Variants in TMEM117 observed in about 807,000 individuals in gnomAD.
The protein encoded by TMEM117 is transmembrane protein 117.
TMEM117 carries 27 observed loss-of-function variants against 52.4 expected under a neutral mutation model. The observed-to-expected ratio is 0.51, with a 90% CI of 0.38 to 0.71. The LOEUF (loss-of-function observed/expected upper bound fraction) is 0.71. Ranked by LOEUF, TMEM117 falls within the 30% of genes least tolerant of loss-of-function variation. The probability of loss-of-function intolerance (pLI) is 0.00; values close to 1 mark genes in which losing one functional copy is unlikely to be tolerated. For missense variants in TMEM117, 556 were observed against 630.5 expected, an observed-to-expected ratio of 0.88 and a Z score of 1.26; for synonymous variants, 215 against 206.3, an observed-to-expected ratio of 1.04 and a Z score of -0.36.
At chr12:44,284,801 C>T (rs1055120399) in intron 5 of TMEM117, among the ~76,000 whole-genome samples, 2 of 144,780 alleles carry the variant, frequency 1.4e-5, no homozygotes, top group African/African-American at 5.8e-5. Flanking sequence ...GCTTTGCATT[C>T]TACTAGGTAT....
chr12:44,268,160 C>T (rs771899373), intron 5 of TMEM117, among the ~76,000 whole-genome samples: 1 of 150,278 alleles, frequency 6.7e-6, no homozygotes, highest in Non-Finnish European at 1.5e-5. Flanking sequence ...TTTTTTGAGA[C>T]AGAGTCTTGC....
At chr12:43,841,455 T>C (rs1943114436) in intron 1 of TMEM117, among the ~76,000 whole-genome samples, 2 of 152,190 alleles carry the variant, frequency 1.3e-5, no homozygotes, top group Non-Finnish European at 2.9e-5. Flanking sequence ...AATAAGATCA[T>C]GTACTAGTGC....
At chr12:44,047,664 C>T (rs148249807) in intron 3 of TMEM117, among the ~76,000 whole-genome samples, 40 of 152,296 alleles carry the variant, frequency 2.6e-4, no homozygotes, top group Non-Finnish European at 4.3e-4. Flanking sequence ...ATAGACTTTG[C>T]ATCTAATCCT....
At chr12:44,185,329 C>T (rs945071916) in intron 4 of TMEM117, among the ~76,000 whole-genome samples, 3 of 151,922 alleles carry the variant, frequency 2.0e-5, no homozygotes, top group Non-Finnish European at 4.4e-5. Flanking sequence ...TGTTCCATCA[C>T]GAAAATTAGA....
chr12:44,098,652 G>T (rs759783198), intron 3 of TMEM117, among the ~76,000 whole-genome samples: 16 of 152,016 alleles, frequency 1.1e-4, no homozygotes, highest in Non-Finnish European at 1.9e-4. Context: ...GCCAAAGTCA[G>T]ATTTTTGAGT....
chr12:43,971,128 G>A (rs971989802), intron 3 of TMEM117, among the ~76,000 whole-genome samples: 1 of 151,992 alleles, frequency 6.6e-6, no homozygotes, highest in African/African-American at 2.4e-5. Flanking sequence ...CATGCATATA[G>A]TAAATCACAA....
At chr12:43,942,825 G>C (rs1592381047) in intron 2 of TMEM117, among the ~76,000 whole-genome samples, 2 of 152,026 alleles carry the variant, frequency 1.3e-5, no homozygotes, top group East Asian at 3.9e-4. Context: ...TTTCCAGATA[G>C]AAATACATAC....
chr12:43,974,081 A>G (rs1344940997), intron 3 of TMEM117, among the ~76,000 whole-genome samples: 2 of 152,180 alleles, frequency 1.3e-5, no homozygotes, highest in African/African-American at 4.8e-5. Context: ...AAATTGAATC[A>G]AGTAACTTTT....
rs1312359877 is a variant in TMEM117, at chr12:44,200,847, G to A, written c.511-10443G>A. 2.0e-5 allele frequency among the ~76,000 whole-genome samples: 3 copies of A among 152,146 alleles called. No individual in the cohort carries two copies. In the East Asian group the frequency reaches 5.8e-4, roughly 29 times the overall value. On this transcript the variant is annotated intron_variant, in intron 4 of 7. Transcript: ENST00000266534. The stretch of plus-strand genomic sequence containing the variant: ...TGGCACAATGCGGGTAGAGTGTGCT[G>A]GCTGAGTGGGTCCTGCCACCCCTCA...
At chr12:44,371,893 T>A (rs556237553) in intron 6 of TMEM117, among the ~76,000 whole-genome samples, 5 of 152,278 alleles carry the variant, frequency 3.3e-5, no homozygotes, top group South Asian at 4.2e-4. Context: ...CATCCATATA[T>A]GTAAAAAATA....
At chr12:43,830,385 G>A in the TMEM117 span, among the ~76,000 whole-genome samples, 1 of 151,780 alleles carries the variant, frequency 6.6e-6, no homozygotes, top group Non-Finnish European at 1.5e-5. Flanking sequence ...GAGGCAGGTG[G>A]ATCACGAGGT....
At chr12:44,392,668 C>T (rs369127217), downstream of TMEM117, among the ~76,000 whole-genome samples, 4 of 135,890 alleles carry the variant, frequency 2.9e-5, no homozygotes, top group African/African-American at 8.0e-5. Flanking sequence ...TGCTATCCCT[C>T]CCCCCTCCCC....
In TMEM117 at chr12:44,299,471, G is replaced by A. The variant is rs1314439613; in HGVS notation, c.609-109G>A. 2.9e-6 allele frequency: 4 copies of A among 1,399,652 alleles called. No individual in the cohort carries two copies. The South Asian group carries it at 5.6e-5, about 20-fold the overall frequency. 86.7% of individuals were successfully genotyped at this position (1,399,652 alleles called of 1,614,324 possible). A position where few individuals can be genotyped will look rare whatever the true frequency, so the allele number is the denominator to read the frequency against. ...TTCCTTTTGGCTAATATACCTTAGG[G>A]TAGGTGCTTGCCAAGGGGCAGACAT... On this transcript the variant is annotated intron_variant, in intron 5 of 7. Transcript: ENST00000266534.
At chr12:44,152,518 T>TTA (rs1240731123) in intron 4 of TMEM117, among the ~76,000 whole-genome samples, 6,816 of 117,880 alleles carry the variant, frequency 0.058, 659 homozygotes, top group African/African-American at 0.21. Flanking sequence ...ATATATAAAT[T>TTA]TATATATATA....
chr12:44,393,927 CT>C (rs1469997760), downstream of TMEM117, among the ~76,000 whole-genome samples: 1 of 152,072 alleles, frequency 6.6e-6, no homozygotes, highest in Non-Finnish European at 1.5e-5. Flanking sequence ...GAATTTGTTT[CT>C]TTTGTCATTT....
At chr12:43,951,763 C>T (rs1945227552) in intron 3 of TMEM117, among the ~76,000 whole-genome samples, 1 of 152,056 alleles carries the variant, frequency 6.6e-6, no homozygotes, top group Non-Finnish European at 1.5e-5. Flanking sequence ...GAGGGCGATT[C>T]CCTGAGCACA....
chr12:44,040,565 ACTGTT>A lies in TMEM117; in HGVS notation c.410+96226_410+96230del, dbSNP rs575082316. On this transcript the variant is annotated intron_variant, in intron 3 of 7. Transcript: ENST00000266534. ...TACATCTTTCCAGGTTTCTTTGTGG[ACTGTT>A]CTATCATCTGAAAAATGACAGTTTT... Among the ~76,000 whole-genome samples the A allele has an allele frequency of 5.1e-3, 769 of 152,178 alleles. 3 individuals are homozygous for A. The highest frequency in any genetic ancestry group is 7.8e-3 in the Non-Finnish European group (528 of 67,984).
chr12:43,909,610 TAAAG>T (rs1272844868), intron 2 of TMEM117, among the ~76,000 whole-genome samples: 1 of 149,732 alleles, frequency 6.7e-6, no homozygotes, highest in Non-Finnish European at 1.5e-5. Context: ...GCAAGACTAA[TAAAG>T]AAAAAAAGAA....
At chr12:44,308,805 G>A (rs1950936449) in intron 6 of TMEM117, among the ~76,000 whole-genome samples, 1 of 152,100 alleles carries the variant, frequency 6.6e-6, no homozygotes, top group Non-Finnish European at 1.5e-5. Flanking sequence ...ATTTTTAGTA[G>A]AGACGGGGTT....
Sources: gnomAD v4.1 joint callset for allele counts (sites outside exome capture counted in the v4.1 genomes callset) on GRCh38, gnomAD v4.1.1 for gene constraint, MANE v1.5 for transcripts, NCBI Gene and HGNC (gene_info 2026-07-23, HGNC 2026-07-21) for gene names.